MPRIP: variants seen among roughly 807,000 people sequenced by gnomAD.
The protein encoded by MPRIP is myosin phosphatase Rho interacting protein.
In MPRIP, 59 loss-of-function variants were observed where a neutral mutation model predicts 234.9. That is an observed-to-expected ratio of 0.25 (90% CI 0.20 to 0.31). The LOEUF (loss-of-function observed/expected upper bound fraction) is 0.31. MPRIP is among the 10% of genes least tolerant of loss of function. The pLI, the probability that MPRIP is intolerant of heterozygous loss-of-function variation, is 1.00. For synonymous variants in MPRIP, 1,144 were observed against 1,263.9 expected, an observed-to-expected ratio of 0.91 and a Z score of 2.01; for missense variants, 2,436 against 3,071.0, an observed-to-expected ratio of 0.79 and a Z score of 4.89.
At position 17,185,790 on chromosome 17, in the gene MPRIP, C is replaced by T. The variant is rs2046464957; in HGVS notation, c.*896C>T. The T allele has an allele frequency of 2.9e-6, 1 of 342,414 alleles. No homozygotes were observed. The highest frequency in any genetic ancestry group is 5.7e-6 in the Non-Finnish European group (1 of 175,940). The allele number at this position is 342,414 out of a possible 1,614,324, so 21.2% of individuals were successfully genotyped here. ...TTTTGGAAAAGAAACCGTCACATTG[C>T]TTTGGAAAAGGTTGAGAGGAGACCC... On this transcript the variant is annotated 3_prime_UTR_variant, in exon 24 of 24. Coordinates refer to ENST00000651222, the MANE Select transcript of MPRIP (RefSeq NM_001364716.4).
chr17:17,095,286 G>T (rs543561955), intron 3 of MPRIP, among the ~76,000 whole-genome samples: 2 of 152,080 alleles, frequency 1.3e-5, no homozygotes, highest in Non-Finnish European at 2.9e-5. Flanking sequence ...AATGAGTGGC[G>T]ACCCTTCAGA....
chr17:17,106,671 C>A (rs1273654457), intron 3 of MPRIP, among the ~76,000 whole-genome samples: 1 of 152,174 alleles, frequency 6.6e-6, no homozygotes, highest in African/African-American at 2.4e-5. Flanking sequence ...GCAGGTCAGT[C>A]TCAGAGGATG....
In MPRIP at chr17:17,166,848, G is replaced by T; in HGVS notation, c.5257G>T (p.Val1753Phe). Residue 1753 changes from valine (V) to phenylalanine (F), a missense_variant, in exon 16 of 24, where the codon GTC becomes TTC. This residue lies in a region of MPRIP where 1,998 missense variants were observed against 2,520.3 expected (regional missense o/e 0.79). Coordinates refer to ENST00000651222, the MANE Select transcript of MPRIP (RefSeq NM_001364716.4). This position sits in a 1 kb window ranked among gnomAD's most constrained non-coding sequence, Gnocchi z 4.4. ...LSWDLSPLGE[V>F]LGRDSDSSQE... ...CTGGGACCTGAGCCCCTTAGGAGAA[G>T]TCCTGGGCCGAGACTCAGACAGCTC... The T allele has an allele frequency of 7.7e-7, 1 of 1,304,182 alleles. No individual in the cohort carries two copies. The highest frequency in any genetic ancestry group is 1.0e-6 in the Non-Finnish European group (1 of 988,950). The allele number at this position is 1,304,182 out of a possible 1,614,324, so 80.8% of individuals were successfully genotyped here.
At chr17:17,158,324 A>G in intron 13 of MPRIP, 108 bp from the exon 14 acceptor site, 1 of 883,620 alleles carries the variant, frequency 1.1e-6, no homozygotes, top group Non-Finnish European at 1.7e-6. Context: ...TAGAAAAAGG[A>G]TGTGGTGCTC....
chr17:17,095,491 CT>C (rs1244915660), intron 3 of MPRIP, among the ~76,000 whole-genome samples: 2 of 152,256 alleles, frequency 1.3e-5, no homozygotes, highest in East Asian at 3.9e-4. Context: ...TTGGTTTCCC[CT>C]GATAGGAATT....
intron 3 of MPRIP, among the ~76,000 whole-genome samples, chr17:17,110,042 G>A (rs1485320946): frequency 6.6e-6 from 1 of 152,172 alleles, no homozygotes; most frequent in Admixed American, 6.5e-5. Context: ...TTTGGGTCAT[G>A]AGGGCAGATC....
chr17:17,063,980 C>T (rs549059648), intron 1 of MPRIP, among the ~76,000 whole-genome samples: 6 of 152,210 alleles, frequency 3.9e-5, no homozygotes, highest in African/African-American at 1.4e-4. Context: ...CCAGATTTGC[C>T]TGGGGAGGGT....
At chr17:17,151,096 C>G (rs1251598660) in intron 12 of MPRIP, among the ~76,000 whole-genome samples, 4 of 151,464 alleles carry the variant, frequency 2.6e-5, no homozygotes, top group Non-Finnish European at 5.9e-5. Context: ...GTTTTGAACC[C>G]CTGGGCTCCA....
At chr17:17,125,075 C>T (rs2090465077) in intron 3 of MPRIP, among the ~76,000 whole-genome samples, 1 of 152,208 alleles carries the variant, frequency 6.6e-6, no homozygotes, top group Non-Finnish European at 1.5e-5. Flanking sequence ...TCAAGAAACA[C>T]CCACTGCTTG....
intron 1 of MPRIP, among the ~76,000 whole-genome samples, chr17:17,065,560 A>G (rs2088998734): frequency 6.6e-6 from 1 of 152,066 alleles, no homozygotes; most frequent in Non-Finnish European, 1.5e-5. Flanking sequence ...CCAATACCAC[A>G]CAGTCTTCAT....
At chr17:17,137,778 T>A in intron 6 of MPRIP, 138 bp from the exon 7 acceptor site, 1 of 585,446 alleles carries the variant, frequency 1.7e-6, no homozygotes, top group South Asian at 3.4e-5. Flanking sequence ...TGCCCTTGAG[T>A]GGGGTGTGCT....
intron 5 of MPRIP, among the ~76,000 whole-genome samples, chr17:17,132,328 T>G (rs1269198038): frequency 2.0e-5 from 3 of 152,226 alleles, no homozygotes; most frequent in Admixed American, 6.5e-5. Context: ...AGGTAACCTT[T>G]TTTGAGCCTC....
At chr17:17,101,578 A>T (rs1373966987) in intron 3 of MPRIP, among the ~76,000 whole-genome samples, 3 of 149,868 alleles carry the variant, frequency 2.0e-5, no homozygotes, top group Non-Finnish European at 4.4e-5. Flanking sequence ...CTCAAAAAAA[A>T]TTTTTTTTAA....
chr17:17,131,982 C>T (rs960006995), intron 5 of MPRIP, among the ~76,000 whole-genome samples: 1 of 152,208 alleles, frequency 6.6e-6, no homozygotes, highest in Non-Finnish European at 1.5e-5. Flanking sequence ...CCCTCGCTAT[C>T]CTGCTGGCAG....
chr17:17,064,969 C>G (rs1347904977), intron 1 of MPRIP, among the ~76,000 whole-genome samples: 1 of 152,124 alleles, frequency 6.6e-6, no homozygotes, highest in Non-Finnish European at 1.5e-5. Flanking sequence ...GATAGATATA[C>G]TTACTTTGTG....
At chr17:17,160,725 T>C (rs2045844099) in intron 14 of MPRIP, among the ~76,000 whole-genome samples, 1 of 152,218 alleles carries the variant, frequency 6.6e-6, no homozygotes, top group Non-Finnish European at 1.5e-5. Context: ...GTTGAGACCA[T>C]AGTGGGCCCT....
chr17:17,176,595 G>A (rs2046259796), intron 21 of MPRIP, 83 bp downstream of exon 21: 12 of 1,079,992 alleles, frequency 1.1e-5, no homozygotes, highest in Non-Finnish European at 1.7e-5. Flanking sequence ...CTGGTGCTCA[G>A]CGCGGGCTCT....
At chr17:17,064,532 G>C (rs1291500314) in intron 1 of MPRIP, among the ~76,000 whole-genome samples, 1 of 152,120 alleles carries the variant, frequency 6.6e-6, no homozygotes, top group Non-Finnish European at 1.5e-5. Context: ...AAAGCACCCA[G>C]TGTCTCCATC....
chr17:17,171,521 A>T (rs1419024245), intron 16 of MPRIP, 197 bp from the exon 17 acceptor site: 1 of 615,820 alleles, frequency 1.6e-6, no homozygotes, highest in African/African-American at 1.8e-5. Flanking sequence ...CCTTTTCTGA[A>T]TGCTCTGATG....
Sources: gnomAD v4.1 joint callset for allele counts (sites outside exome capture counted in the v4.1 genomes callset) on GRCh38, gnomAD v4.1.1 for gene constraint, gnomAD v4.1.1 regional missense constraint, Gnocchi (gnomAD v3.1) non-coding constraint, MANE v1.5 for transcripts, NCBI Gene and HGNC (gene_info 2026-07-23, HGNC 2026-07-21) for gene names.